The following PRKG1 variants were observed in gnomAD, a reference collection of about 807,000 sequenced individuals.
PRKG1 encodes cGMP-dependent protein kinase 1.
A neutral mutation model predicts 88.1 loss-of-function variants in PRKG1; 35 were observed. That is an observed-to-expected ratio of 0.40 (90% CI 0.30 to 0.53). The LOEUF (loss-of-function observed/expected upper bound fraction) is 0.53, where lower values mean the gene tolerates loss of function less well. Ranked by LOEUF, PRKG1 falls within the 20% of genes least tolerant of loss-of-function variation. PRKG1 has a pLI of 0.59. For missense variants in PRKG1, 540 were observed against 839.8 expected (o/e 0.64, Z 4.41); for synonymous variants, 303 against 292.5 (o/e 1.04, Z -0.37).
At chr10:51,094,268 A>T (rs1419534253) in intron 1 of PRKG1, among the ~76,000 whole-genome samples, 3 of 152,170 alleles carry the variant, frequency 2.0e-5, no homozygotes, top group Non-Finnish European at 2.9e-5. Flanking sequence ...AGCTTCTAAC[A>T]GTTCTTTGCA....
At chr10:51,701,507 T>A (rs1460112190) in intron 3 of PRKG1, among the ~76,000 whole-genome samples, 1 of 152,244 alleles carries the variant, frequency 6.6e-6, no homozygotes, top group African/African-American at 2.4e-5. Flanking sequence ...TCCTGCTATG[T>A]CAAAGAAACG....
At chr10:51,705,313 T>G (rs935215840) in intron 3 of PRKG1, among the ~76,000 whole-genome samples, 3 of 152,222 alleles carry the variant, frequency 2.0e-5, no homozygotes, top group African/African-American at 7.2e-5. Flanking sequence ...CATATCTGAT[T>G]GATATTCTCC....
intron 3 of PRKG1, among the ~76,000 whole-genome samples, chr10:51,582,084 A>G (rs1838054206): frequency 6.6e-6 from 1 of 152,216 alleles, no homozygotes; most frequent in Non-Finnish European, 1.5e-5. Context: ...AAATTAATGT[A>G]ACTGAAAAAA....
chr10:51,942,003 T>G (rs904764741), intron 5 of PRKG1, among the ~76,000 whole-genome samples: 1 of 152,072 alleles, frequency 6.6e-6, no homozygotes, highest in Non-Finnish European at 1.5e-5. Context: ...TATTTCTAGT[T>G]CTGGATCCCT....
At chr10:51,637,399 C>A (rs1839683325) in intron 3 of PRKG1, among the ~76,000 whole-genome samples, 1 of 152,140 alleles carries the variant, frequency 6.6e-6, no homozygotes, top group Admixed American at 6.5e-5. Context: ...ACCATTTGAC[C>A]CAGCAATCCC....
chr10:51,260,920 G>T (rs889824274), intron 2 of PRKG1, among the ~76,000 whole-genome samples: 10 of 152,126 alleles, frequency 6.6e-5, no homozygotes, highest in African/African-American at 2.4e-4. Context: ...CTATATGTCT[G>T]TTTCTTATTT....
intron 3 of PRKG1, among the ~76,000 whole-genome samples, chr10:51,483,707 T>G (rs528489894): frequency 6.6e-6 from 1 of 152,350 alleles, no homozygotes; most frequent in East Asian, 1.9e-4. Flanking sequence ...GCTAAAATGC[T>G]GATAGCAAGG....
At chr10:51,419,374 T>G (rs1163099612) in intron 2 of PRKG1, among the ~76,000 whole-genome samples, 1 of 152,076 alleles carries the variant, frequency 6.6e-6, no homozygotes, top group Non-Finnish European at 1.5e-5. Flanking sequence ...CAAAACAAGA[T>G]TTTAGTGGTA....
intron 3 of PRKG1, among the ~76,000 whole-genome samples, chr10:51,721,212 TAAAAAAAAAAAAA>T (rs55873432): frequency 5.7e-5 from 7 of 122,040 alleles, no homozygotes; most frequent in African/African-American, 9.4e-5. Flanking sequence ...CAAGACCTAT[TAAAAAAAAAAAAA>T]AAAAAAAGAA....
intron 16 of PRKG1, among the ~76,000 whole-genome samples, 157 bp downstream of exon 16, chr10:52,289,150 A>T (rs1038806595): frequency 7.9e-5 from 12 of 152,114 alleles, no homozygotes; most frequent in African/African-American, 2.9e-4. Flanking sequence ...TCTAGTTGTG[A>T]TTATGAAACC....
At chr10:51,910,403 G>A (rs1180575665) in intron 5 of PRKG1, 1 of 152,154 alleles carries the variant, frequency 6.6e-6, no homozygotes, top group African/African-American at 2.4e-5. Context: ...CAAAAGGATG[G>A]TTCCAAGGTC....
chr10:51,256,383 C>T (rs1165155311), intron 2 of PRKG1, among the ~76,000 whole-genome samples: 3 of 152,044 alleles, frequency 2.0e-5, no homozygotes, highest in African/African-American at 7.2e-5. Context: ...TAAGCATTGT[C>T]GTGTGTTCCA....
intron 3 of PRKG1, among the ~76,000 whole-genome samples, chr10:51,474,536 C>T (rs1840140269): frequency 6.6e-6 from 1 of 151,936 alleles, no homozygotes; most frequent in South Asian, 2.1e-4. Flanking sequence ...ATTGCAGGAT[C>T]TACTTTTTGT....
At chr10:51,369,082 G>C (rs866462791) in intron 2 of PRKG1, among the ~76,000 whole-genome samples, 2 of 152,058 alleles carry the variant, frequency 1.3e-5, no homozygotes, top group Admixed American at 1.3e-4. Context: ...CCCAAGGCTC[G>C]TGTTTCTTCA....
intron 1 of PRKG1, among the ~76,000 whole-genome samples, chr10:51,052,880 G>A (rs1353475159): frequency 2.0e-5 from 3 of 152,124 alleles, no homozygotes; most frequent in Non-Finnish European, 4.4e-5. Context: ...GATTGACAGC[G>A]CATAGTGATT....
intron 3 of PRKG1, among the ~76,000 whole-genome samples, chr10:51,767,309 A>T (rs1337990382): frequency 1.3e-5 from 2 of 152,164 alleles, no homozygotes; most frequent in African/African-American, 4.8e-5. Context: ...ATTCCCAGAA[A>T]GACTAAATAG....
rs142225742 is a variant in PRKG1 at position 51,932,484 on chromosome 10, C to T, written c.762+24914C>T. On this transcript the variant is annotated intron_variant, in intron 5 of 17. Coordinates refer to ENST00000373980, the MANE Select transcript of PRKG1 (RefSeq NM_006258.4). ...AGACCATTTTACAGACAAACTTGGC[C>T]AAGAACACCCACCTAGGAAGTTGGA... Among the ~76,000 whole-genome samples, 428 of 152,240 alleles carry T rather than the reference C, an allele frequency of 2.8e-3. 7 individuals are homozygous for T. The highest frequency in any genetic ancestry group is 9.6e-3 in the African/African-American group (400 of 41,558).
At chr10:51,502,365 C>G (rs1040806731) in intron 3 of PRKG1, among the ~76,000 whole-genome samples, 1 of 152,118 alleles carries the variant, frequency 6.6e-6, no homozygotes, top group African/African-American at 2.4e-5. Context: ...CATCAAGTGC[C>G]AGCTCTGAGG....
At chr10:51,044,546 T>TTCAGAGC (rs150063368) in intron 1 of PRKG1, among the ~76,000 whole-genome samples, 2,153 of 152,216 alleles carry the variant, frequency 0.014, 48 homozygotes, top group African/African-American at 0.049. Context: ...AGCTTTATCA[T>TTCAGAGC]TCAGAGCTTA....
Sources: allele counts gnomAD v4.1 joint callset (sites outside exome capture counted in the v4.1 genomes callset), GRCh38; gene constraint gnomAD v4.1.1; transcripts MANE v1.5; gene names NCBI Gene and HGNC (gene_info 2026-07-23, HGNC 2026-07-21).